ZNF688: variants seen among roughly 807,000 people sequenced by gnomAD.
The protein encoded by ZNF688 is zinc finger protein 688.
A neutral mutation model predicts 13.2 loss-of-function variants in ZNF688; 10 were observed. That is an observed-to-expected ratio of 0.76 (90% CI 0.47 to 1.28). ZNF688 has a LOEUF of 1.28. ZNF688 is among the 50% of genes most tolerant of loss of function. The pLI is 0.00. For synonymous variants in ZNF688, 160 were observed against 159.4 expected (o/e 1.00, Z -0.03); for missense variants, 381 against 391.4 (o/e 0.97, Z 0.22).
chr16:30,570,926 GCTGGAAGTGGGGGC>G, intron 2 of ZNF688, 70 bp downstream of exon 2: 1 of 1,379,140 alleles, frequency 7.3e-7, no homozygotes, highest in Non-Finnish European at 1.0e-6. Flanking sequence ...CTTTAGGGAT[GCTGGAAGTGGGGGC>G]CTGAAAAGAA....
chr16:30,571,474 C>A lies in ZNF688; in HGVS notation c.156G>T (p.Arg52=). The change falls in exon 1 of 3, where the codon CGG becomes CGT. Residue 52 remains arginine (R), a synonymous_variant. Transcript: ENST00000223459. ...GGCCGTAGGTCTCCTGCATCACGTC[C>A]CGGTACAGAGCCCTCTGCGCGGGCC... ...CLRPAQRALY[R]DVMQETYGHL... 1 of 1,589,122 alleles carries A rather than the reference C, an allele frequency of 6.3e-7. No individual in the cohort carries two copies.
intron 2 of ZNF688, chr16:30,570,776 G>A: frequency 5.3e-6 from 2 of 378,196 alleles, no homozygotes; most frequent in East Asian, 7.3e-5. Context: ...TTTTTGAGAC[G>A]GAGTCTCACT....
At chr16:30,579,936 G>C in the ZNF688 span, 1 of 447,062 alleles carries the variant, frequency 2.2e-6, no homozygotes, top group Admixed American at 2.4e-5. Context: ...CGCCCAGGCT[G>C]GAGTGCAGTG....
At chr16:30,578,831 C>CT in the ZNF688 span, 110,849 of 144,724 alleles carry the variant, frequency 0.77, 42,609 homozygotes, top group East Asian at 0.88. Flanking sequence ...GCGCCTGGCT[C>CT]TTTTTTTTTT....
chr16:30,578,398 A>C, the ZNF688 span: 1 of 152,226 alleles, frequency 6.6e-6, no homozygotes, highest in Non-Finnish European at 1.5e-5. Flanking sequence ...CAAATTGTAA[A>C]TGTTTCTTCA....
chr16:30,576,676 C>A (rs2051750812), upstream of ZNF688, among the ~76,000 whole-genome samples: 1 of 152,050 alleles, frequency 6.6e-6, no homozygotes, highest in South Asian at 2.1e-4. Flanking sequence ...ATTTGCATTT[C>A]CCTGATGATT....
chr16:30,569,908 G>T lies in ZNF688; in HGVS notation c.*8C>A, dbSNP rs527305847. 4 of 1,523,310 alleles carry T rather than the reference G, an allele frequency of 2.6e-6. No individual in the cohort carries two copies. Among genetic ancestry groups the T allele is most frequent in the Non-Finnish European group, 3.5e-6 (4 of 1,135,944 alleles). 94.4% of individuals were successfully genotyped at this position (1,523,310 alleles called of 1,614,324 possible). ...AAGGTCAGGCTCAACTCCAGCCTGC[G>T]GTGCCGCTCAGCCGCACTCCTCGAA... On this transcript the variant is annotated 3_prime_UTR_variant, in exon 3 of 3. Transcript: ENST00000223459.
intron 2 of ZNF688, 170 bp from the exon 3 acceptor site, chr16:30,570,606 C>CCTTG: frequency 1.3e-6 from 1 of 772,004 alleles, no homozygotes; most frequent in Non-Finnish European, 2.0e-6. Flanking sequence ...CTTATCTGAG[C>CCTTG]CTTGGTTCCT....
chr16:30,570,278 C>T lies in ZNF688; in HGVS notation c.469G>A (p.Ala157Thr), dbSNP rs1567513727. The change falls in exon 3 of 3, where the codon GCT becomes ACT. Residue 157 changes from alanine to threonine, a missense_variant. Physicochemically the swap from Ala to Thr is moderately conservative, Grantham distance 58. Coordinates refer to ENST00000223459, the MANE Select transcript of ZNF688 (RefSeq NM_145271.4). The stretch of plus-strand genomic sequence containing the variant: ...GCTCCTGTGGTCGGGTCCCAGGCAG[C>T]ATTTTTGGGTGGCTGTGCCCGTGCC... ...APARAQPPKN[A>T]AWDPTTGAQP... 6.2e-7 allele frequency: 1 copy of T among 1,613,934 alleles called. No individual in the cohort carries two copies. Among genetic ancestry groups the T allele is most frequent in the Middle Eastern group, 1.7e-4 (1 of 6,056 alleles).
rs2051646124 is a variant in ZNF688 at position 30,570,069 on chromosome 16, C to T, written c.678G>A (p.Val226=). 6.2e-7 allele frequency: 1 copy of T among 1,610,960 alleles called. No individual in the cohort carries two copies. Among genetic ancestry groups the T allele is most frequent in the African/African-American group, 1.3e-5 (1 of 74,876 alleles). The change falls in exon 3 of 3, where the codon GTG becomes GTA. Residue 226 remains valine, a synonymous_variant. Coordinates refer to ENST00000223459, the MANE Select transcript of ZNF688 (RefSeq NM_145271.4). ...AGCGGTGGATCCACTGGTGCGCTTC[C>T]ACTGCGAACTTCCTCTTGAAGCGCA... is the stretch of plus-strand genomic sequence containing the variant. ...CGMRFKRKFA[V]EAHQWIHRSC...
rs185898552 is a variant in ZNF688 at position 30,570,970 on chromosome 16, C to A, written c.310+40G>T. On this transcript the variant is annotated intron_variant, in intron 2 of 2. Coordinates refer to ENST00000223459, the MANE Select transcript of ZNF688 (RefSeq NM_145271.4). ...AAAGAAACTCTGCTAGACAGGAAGCCCTGGAAAACCAAGTGGGGGGACCCG... is the reference window on the plus strand; with the variant it reads ...AAAGAAACTCTGCTAGACAGGAAGCACTGGAAAACCAAGTGGGGGGACCCG... 661 of 1,606,370 alleles carry A rather than the reference C, an allele frequency of 4.1e-4. 4 individuals are homozygous for A. In the African/African-American group the frequency reaches 7.6e-3, roughly 19 times the overall value.
chr16:30,571,330 G>C (rs1318667502), intron 1 of ZNF688, 104 bp downstream of exon 1: 2 of 1,535,176 alleles, frequency 1.3e-6, no homozygotes, highest in Non-Finnish European at 1.7e-6. Flanking sequence ...GCTGGTGTTG[G>C]TGCAAGAGTG....
rs1436912842 is a variant in ZNF688, at chr16:30,570,066, T to C, written c.681A>G (p.Glu227=). 3 of 1,610,866 alleles carry C rather than the reference T, an allele frequency of 1.9e-6. No individual in the cohort carries two copies. The highest frequency in any genetic ancestry group is 2.2e-5 in the East Asian group (1 of 44,846). The change falls in exon 3 of 3, where the codon GAA becomes GAG. Residue 227 remains glutamate, a synonymous_variant. Coordinates refer to ENST00000223459, the MANE Select transcript of ZNF688 (RefSeq NM_145271.4). Reference sequence around the variant, plus strand: ...AGGAGCGGTGGATCCACTGGTGCGCTTCCACTGCGAACTTCCTCTTGAAGC... The same window carrying C: ...AGGAGCGGTGGATCCACTGGTGCGCCTCCACTGCGAACTTCCTCTTGAAGC... ...GMRFKRKFAV[E]AHQWIHRSCS...
At chr16:30,579,673 C>A in the ZNF688 span, 1 of 413,028 alleles carries the variant, frequency 2.4e-6, no homozygotes, top group Non-Finnish European at 4.9e-6. Flanking sequence ...AGCCACCGTG[C>A]CCGGCACCAG....
upstream of ZNF688, among the ~76,000 whole-genome samples, chr16:30,575,604 C>T (rs1163042883): frequency 6.6e-6 from 1 of 151,774 alleles, no homozygotes; most frequent in Non-Finnish European, 1.5e-5. Flanking sequence ...TCAGTAGTGG[C>T]TGTACTAACT....
At position 30,571,692 on chromosome 16, in the gene ZNF688, G is replaced by T; in HGVS notation, c.-63C>A. 1 of 1,360,782 alleles carries T rather than the reference G, an allele frequency of 7.3e-7. No individual in the cohort carries two copies. The allele number at this position is 1,360,782 out of a possible 1,614,324, so 84.3% of individuals were successfully genotyped here. ...TGGAGCCGCCGCCTCCCCGCTCCCGGCCTCAGCTGTCGTTGTCCACAGGAA... is the reference window on the plus strand; with the variant it reads ...TGGAGCCGCCGCCTCCCCGCTCCCGTCCTCAGCTGTCGTTGTCCACAGGAA... On this transcript the variant is annotated 5_prime_UTR_variant, in exon 1 of 3. Transcript: ENST00000223459.
upstream of ZNF688, chr16:30,573,859 G>A: frequency 2.6e-6 from 1 of 384,228 alleles, no homozygotes. Context: ...CTTGAGTTCT[G>A]GAACTGCCTC....
upstream of ZNF688, chr16:30,572,467 G>T: frequency 1.8e-5 from 9 of 497,866 alleles, no homozygotes; most frequent in Non-Finnish European, 2.9e-5. Context: ...GGCATCCGCA[G>T]CTCGGCTCGC....
rs536073173 is a variant in ZNF688 at position 30,571,579 on chromosome 16, C to T, written c.51G>A (p.Arg17=). The change falls in exon 1 of 3, where the codon CGG becomes CGA. Residue 17 remains arginine, a synonymous_variant. Transcript: ENST00000223459. ...PLLAPRPGET[R]PGCRKPGTVS... ...CAGTCCCGGGCTTCCTGCAACCAGG[C>T]CGGGTCTCCCCGGGCCTCGGCGCCA... 19 of 1,554,838 alleles carry T rather than the reference C, an allele frequency of 1.2e-5. No homozygotes were observed. In the South Asian group the frequency reaches 1.4e-4, roughly 12 times the overall value.
Sources: allele counts gnomAD v4.1 joint callset (sites outside exome capture counted in the v4.1 genomes callset), GRCh38; gene constraint gnomAD v4.1.1; transcripts MANE v1.5; gene names NCBI Gene and HGNC (gene_info 2026-07-23, HGNC 2026-07-21).